Variants in TENM3 observed in about 807,000 individuals in gnomAD.
TENM3 encodes the protein teneurin transmembrane protein 3, also known as teneurin-3.
In TENM3, 63 loss-of-function variants were observed where a neutral mutation model predicts 255.1. That is an observed-to-expected ratio of 0.25 (90% CI 0.20 to 0.30). The LOEUF (loss-of-function observed/expected upper bound fraction) is 0.30. Among genes scored for constraint, TENM3 ranks in the 10% least tolerant of loss-of-function variants. TENM3 has a pLI of 1.00. For missense variants in TENM3, 2,929 were observed against 3,461.1 expected, an observed-to-expected ratio of 0.85 and a Z score of 3.86; for synonymous variants, 1,306 against 1,322.3, an observed-to-expected ratio of 0.99 and a Z score of 0.27.
chr4:182,675,479 T>G (rs1450870067), intron 7 of TENM3, among the ~76,000 whole-genome samples: 1 of 151,488 alleles, frequency 6.6e-6, no homozygotes, highest in Non-Finnish European at 1.5e-5. Flanking sequence ...AGGCAAAGAT[T>G]GCAGTAAGTG....
the TENM3 span, among the ~76,000 whole-genome samples, chr4:181,463,018 A>C: frequency 1.3e-5 from 2 of 152,212 alleles, no homozygotes; most frequent in African/African-American, 4.8e-5. Context: ...CACAGTAAGC[A>C]CACATAGCTC....
chr4:181,657,742 T>C, the TENM3 span, among the ~76,000 whole-genome samples: 1 of 152,052 alleles, frequency 6.6e-6, no homozygotes, highest in East Asian at 1.9e-4. Context: ...TGCCCATCAA[T>C]GGTGAATTGG....
At chr4:181,896,192 T>TTG in the TENM3 span, among the ~76,000 whole-genome samples, 1 of 152,158 alleles carries the variant, frequency 6.6e-6, no homozygotes, top group South Asian at 2.1e-4. Flanking sequence ...GGTGAGTGAT[T>TTG]TGTTGGGAAG....
At chr4:182,550,729 G>A (rs1741913655) in intron 3 of TENM3, among the ~76,000 whole-genome samples, 1 of 152,122 alleles carries the variant, frequency 6.6e-6, no homozygotes, top group Non-Finnish European at 1.5e-5. Context: ...GGTTAAAATA[G>A]AAGATGTCTA....
At chr4:182,033,772 C>G in the TENM3 span, among the ~76,000 whole-genome samples, 3 of 152,128 alleles carry the variant, frequency 2.0e-5, no homozygotes, top group African/African-American at 7.2e-5. Flanking sequence ...TTGCATTGAA[C>G]CTTTTACCAT....
intron 3 of TENM3, among the ~76,000 whole-genome samples, chr4:182,589,261 T>G (rs1746353831): frequency 1.3e-5 from 2 of 152,078 alleles, no homozygotes; most frequent in South Asian, 4.1e-4. Context: ...TCTGGTACTA[T>G]CTGAATGATT....
chr4:181,865,827 T>A, the TENM3 span, among the ~76,000 whole-genome samples: 2 of 152,124 alleles, frequency 1.3e-5, no homozygotes, highest in Non-Finnish European at 2.9e-5. Flanking sequence ...ATCCCCCAAA[T>A]ATATATTTAA....
intron 3 of TENM3, among the ~76,000 whole-genome samples, chr4:182,522,933 C>T (rs1388385531): frequency 1.3e-5 from 2 of 152,138 alleles, no homozygotes; most frequent in Non-Finnish European, 2.9e-5. Context: ...TGAGCATTTC[C>T]CTTCCTTCGC....
chr4:181,645,657 C>T, the TENM3 span, among the ~76,000 whole-genome samples: 28 of 152,120 alleles, frequency 1.8e-4, no homozygotes, highest in Admixed American at 1.2e-3. Context: ...AGGTGGAACT[C>T]GTCCAAGTGA....
chr4:182,553,406 C>T (rs1742261629), intron 3 of TENM3, among the ~76,000 whole-genome samples: 1 of 150,818 alleles, frequency 6.6e-6, no homozygotes, highest in Non-Finnish European at 1.5e-5. Context: ...GGAGGGATAG[C>T]ATTAGGAGAT....
the TENM3 span, among the ~76,000 whole-genome samples, chr4:181,630,732 A>G: frequency 1.4e-4 from 21 of 152,250 alleles, no homozygotes; most frequent in Admixed American, 2.6e-4. Flanking sequence ...GTTATTTTAC[A>G]TTGCTGAGGA....
At chr4:182,454,210 G>A (rs777552761) in intron 3 of TENM3, among the ~76,000 whole-genome samples, 3 of 152,036 alleles carry the variant, frequency 2.0e-5, no homozygotes, top group Admixed American at 1.3e-4. Context: ...ACCCCTGCTT[G>A]TTTTATCATT....
chr4:182,215,061 T>G (rs968582190), intron 1 of TENM3, among the ~76,000 whole-genome samples: 2 of 152,146 alleles, frequency 1.3e-5, no homozygotes, highest in Non-Finnish European at 2.9e-5. Flanking sequence ...GGCGTGAAAC[T>G]CAACAGTAAA....
chr4:182,001,002 CTTTTTTTTT>C, the TENM3 span, among the ~76,000 whole-genome samples: 7 of 130,502 alleles, frequency 5.4e-5, no homozygotes, highest in Non-Finnish European at 9.6e-5. Context: ...GTTTTCTTTC[CTTTTTTTTT>C]TTTTTTTTTA....
At chr4:181,850,579 T>C in the TENM3 span, among the ~76,000 whole-genome samples, 1 of 152,158 alleles carries the variant, frequency 6.6e-6, no homozygotes, top group Non-Finnish European at 1.5e-5. Flanking sequence ...AATTATAATT[T>C]TTACAACTCT....
At chr4:182,783,655 C>A (rs1765368996) in intron 24 of TENM3, among the ~76,000 whole-genome samples, 1 of 151,908 alleles carries the variant, frequency 6.6e-6, no homozygotes, top group South Asian at 2.1e-4. Context: ...GAGTGTTTTC[C>A]AACTTGGTTC....
At chr4:182,254,984 A>G (rs1758290259) in intron 1 of TENM3, among the ~76,000 whole-genome samples, 1 of 152,194 alleles carries the variant, frequency 6.6e-6, no homozygotes, top group African/African-American at 2.4e-5. Flanking sequence ...TGTCTGGGGA[A>G]ATAGTTTGTC....
chr4:181,819,267 C>T, the TENM3 span, among the ~76,000 whole-genome samples: 50 of 152,170 alleles, frequency 3.3e-4, no homozygotes, highest in Admixed American at 2.2e-3. Flanking sequence ...CCCCCCCAAT[C>T]GGCCTAGTCC....
chr4:182,263,038 C>A (rs990264297), intron 1 of TENM3, among the ~76,000 whole-genome samples: 1 of 152,008 alleles, frequency 6.6e-6, no homozygotes, highest in Admixed American at 6.6e-5. Flanking sequence ...TTCTTTCTTG[C>A]GCGAGATCCA....
Sources: allele counts gnomAD v4.1 joint callset (sites outside exome capture counted in the v4.1 genomes callset), GRCh38; gene constraint gnomAD v4.1.1; transcripts MANE v1.5; gene names NCBI Gene and HGNC (gene_info 2026-07-23, HGNC 2026-07-21).